The following SPTAN1 variants were observed in gnomAD, a reference collection of about 807,000 sequenced individuals.
SPTAN1 encodes spectrin alpha chain, non-erythrocytic 1.
Under a neutral mutation model 331.3 loss-of-function variants are expected in SPTAN1, and 61 were observed. The observed-to-expected ratio is 0.18, with a 90% confidence interval of 0.15 to 0.23. SPTAN1 has a LOEUF of 0.23. Among genes scored for constraint, SPTAN1 ranks in the 10% least tolerant of loss-of-function variants. SPTAN1 has a pLI of 1.00. For synonymous variants in SPTAN1, 1,153 were observed against 1,173.9 expected (o/e 0.98, Z 0.36); for missense variants, 2,043 against 3,147.9 (o/e 0.65, Z 8.40).
rs551595039 is a variant in SPTAN1, at chr9:128,593,053, TGA to T, written c.3215+15_3215+16del. Reference sequence around the variant, plus strand: ...GCAGGTGGAAGAACTGTGAGTAGGCTGAGAGTCTTGCAGAGCACCAATGTCCA... The same window carrying T: ...GCAGGTGGAAGAACTGTGAGTAGGCTGAGTCTTGCAGAGCACCAATGTCCA... On this transcript the variant is annotated intron_variant, in intron 23 of 56. Transcript: ENST00000372739. 3.9e-4 allele frequency: 623 copies of T among 1,607,102 alleles called. 1 individual carries two copies. Among genetic ancestry groups the T allele is most frequent in the African/African-American group, 2.0e-3 (153 of 74,970 alleles).
chr9:128,600,118 A>T lies in SPTAN1; in HGVS notation c.3579+3A>T, dbSNP rs1171832007. The T allele has an allele frequency of 6.2e-7, 1 of 1,614,174 alleles. No individual in the cohort carries two copies. The highest frequency in any genetic ancestry group is 1.1e-5 in the South Asian group (1 of 91,088). On this transcript the variant is annotated splice_donor_region_variant and intron_variant, in intron 27 of 56. Transcript: ENST00000372739. ...CCAAGACAGCCTCCCCGTGGAAGGTAAGAACTCCTTTGCAAATTATTGTTT... is the reference window on the plus strand; with the variant it reads ...CCAAGACAGCCTCCCCGTGGAAGGTTAGAACTCCTTTGCAAATTATTGTTT...
intron 3 of SPTAN1, among the ~76,000 whole-genome samples, 182 bp downstream of exon 3, chr9:128,569,079 C>T (rs190696993): frequency 4.6e-5 from 7 of 152,176 alleles, no homozygotes; most frequent in Admixed American, 2.0e-4. Context: ...TGAATGCAAG[C>T]GTTTGTATAC....
At chr9:128,568,539 T>C (rs1206417797) in intron 2 of SPTAN1, among the ~76,000 whole-genome samples, 1 of 152,202 alleles carries the variant, frequency 6.6e-6, no homozygotes, top group Non-Finnish European at 1.5e-5. Context: ...TAGTTCTCAA[T>C]GGTGAGTGAG....
chr9:128,623,393 T>C (rs2131895398), intron 45 of SPTAN1, among the ~76,000 whole-genome samples: 1 of 152,074 alleles, frequency 6.6e-6, no homozygotes, highest in East Asian at 1.9e-4. Context: ...AGTGATATGA[T>C]TCAGTTTTTT....
intron 44 of SPTAN1, among the ~76,000 whole-genome samples, chr9:128,620,600 C>T (rs1279060634): frequency 6.6e-6 from 1 of 152,072 alleles, no homozygotes; most frequent in Non-Finnish European, 1.5e-5. Context: ...CACCTGTAAT[C>T]CCAGCTACTT....
At chr9:128,574,570 T>C (rs1046699959) in intron 3 of SPTAN1, 105 bp from the exon 4 acceptor site, 2 of 1,313,006 alleles carry the variant, frequency 1.5e-6, no homozygotes, top group Middle Eastern at 3.7e-4. Context: ...AAAATATTTT[T>C]ATTCAGCGCT....
intron 3 of SPTAN1, among the ~76,000 whole-genome samples, chr9:128,572,629 T>G (rs1289693342): frequency 6.6e-6 from 1 of 152,248 alleles, no homozygotes; most frequent in Non-Finnish European, 1.5e-5. Flanking sequence ...TATGGTGATC[T>G]TGGCTTGGTC....
chr9:128,585,859 A>G lies in SPTAN1; in HGVS notation c.2672A>G (p.Gln891Arg). The change falls in exon 19 of 57, where the codon CAG becomes CGG. Residue 891 changes from glutamine to arginine, a missense_variant. Around this residue, in one of 12 missense-constraint regions of SPTAN1, gnomAD observed 1,038 missense variants for 1,531.5 expected, o/e 0.68. Coordinates refer to ENST00000372739, the MANE Select transcript of SPTAN1 (RefSeq NM_001130438.3). The stretch of plus-strand genomic sequence containing the variant: ...CGGCAGGACCTGGAGGACTCTCTGC[A>G]GGCCCAGCAGTACTTTGCTGATGCT... ...QRRQDLEDSL[Q>R]AQQYFADANE... is the part of the protein sequence containing the mutation. 1 of 1,614,160 alleles carries G rather than the reference A, an allele frequency of 6.2e-7. No homozygotes were observed. The highest frequency in any genetic ancestry group is 8.5e-7 in the Non-Finnish European group (1 of 1,180,016).
At chr9:128,572,438 G>A (rs781757667) in intron 3 of SPTAN1, among the ~76,000 whole-genome samples, 9 of 151,104 alleles carry the variant, frequency 6.0e-5, no homozygotes, top group Non-Finnish European at 1.2e-4. Flanking sequence ...TCAGCAATGG[G>A]ACAATGGTTC....
At chr9:128,633,171 G>C (rs2076326703) in intron 56 of SPTAN1, 38 bp from the exon 57 acceptor site, 1 of 1,613,408 alleles carries the variant, frequency 6.2e-7, no homozygotes, top group Admixed American at 1.7e-5. Context: ...AGTGGGTGCA[G>C]CTGGCTCAGG....
chr9:128,627,632 A>C lies in SPTAN1; in HGVS notation c.6689+134A>C. The C allele has an allele frequency of 1.0e-6, 1 of 966,116 alleles. No homozygotes were observed. The highest frequency in any genetic ancestry group is 1.6e-6 in the Non-Finnish European group (1 of 619,914). 59.8% of individuals were successfully genotyped at this position (966,116 alleles called of 1,614,324 possible). On this transcript the variant is annotated intron_variant, in intron 50 of 56. Transcript: ENST00000372739. This position sits in a 1 kb window ranked among gnomAD's most constrained non-coding sequence, Gnocchi z 4.9. Reference sequence around the variant, plus strand: ...AGCCTGGGAATAAAGCTGGGCTGGCAACGCCTGGTCGGGCTCTGGAGCCGG... The same window carrying C: ...AGCCTGGGAATAAAGCTGGGCTGGCCACGCCTGGTCGGGCTCTGGAGCCGG...
chr9:128,608,332 T>G, intron 34 of SPTAN1, 56 bp downstream of exon 34: 1 of 1,610,054 alleles, frequency 6.2e-7, no homozygotes, highest in Non-Finnish European at 8.5e-7. Flanking sequence ...TGACATCTGT[T>G]TCTTGGCTTA....
intron 1 of SPTAN1, among the ~76,000 whole-genome samples, chr9:128,564,444 CATG>C (rs942714757): frequency 1.3e-4 from 19 of 151,088 alleles, no homozygotes; most frequent in African/African-American, 4.6e-4. Context: ...ATTAGCCAGT[CATG>C]GTGGTGTGCA....
Position 128,592,990 on chromosome 9 carries a change from A to C in SPTAN1, c.3163A>C (p.Ile1055Leu). The C allele has an allele frequency of 6.2e-7, 1 of 1,608,520 alleles. No homozygotes were observed. The highest frequency in any genetic ancestry group is 8.5e-7 in the Non-Finnish European group (1 of 1,177,140). ...TGTGCCCCCTCTGTGCAGGACACGC[A>C]TAACTAAGGAGGCCGGCAGTGTATC... ...RQEQIDNQTRITKEAGSVSLR... is the reference protein window; with the variant it reads ...RQEQIDNQTRLTKEAGSVSLR... Residue 1055 changes from isoleucine to leucine, a missense_variant, in exon 23 of 57, where the codon ATA becomes CTA. Physicochemically the swap from Ile to Leu is conservative, Grantham distance 5. This residue lies in a region of SPTAN1 where 1,038 missense variants were observed against 1,531.5 expected (regional missense o/e 0.68). Coordinates refer to ENST00000372739, the MANE Select transcript of SPTAN1 (RefSeq NM_001130438.3).
At chr9:128,578,274 G>T (rs372260439) in intron 9 of SPTAN1, 29 bp downstream of exon 9, 7 of 1,613,020 alleles carry the variant, frequency 4.3e-6, no homozygotes, top group Non-Finnish European at 1.7e-6. Context: ...TCTTCCAGAA[G>T]TGAAGATTTT....
chr9:128,574,691 T>C lies in SPTAN1; in HGVS notation c.380T>C (p.Leu127Pro). 1 of 1,614,218 alleles carries C rather than the reference T, an allele frequency of 6.2e-7. No homozygotes were observed. Among genetic ancestry groups the C allele is most frequent in the Admixed American group, 1.7e-5 (1 of 60,018 alleles). ...SETIRTRLME[L>P]HRQWELLLEK... ...AACTTTCAGACCCGTTTGATGGAGC[T>C]GCACCGCCAGTGGGAATTACTTTTG... The change falls in exon 4 of 57, where the codon CTG becomes CCG. Residue 127 changes from leucine (L) to proline (P), a missense_variant. Physicochemically the swap from Leu to Pro is moderately conservative, Grantham distance 98. This residue lies in a region of SPTAN1 where 1,038 missense variants were observed against 1,531.5 expected (regional missense o/e 0.68). Transcript: ENST00000372739.
At chr9:128,620,260 G>A (rs896159089) in intron 44 of SPTAN1, among the ~76,000 whole-genome samples, 4 of 152,172 alleles carry the variant, frequency 2.6e-5, no homozygotes, top group East Asian at 1.9e-4. Flanking sequence ...CCCAGGAATC[G>A]AGTTAGCTTT....
chr9:128,612,373 AT>A (rs1271335314), intron 39 of SPTAN1, 127 bp downstream of exon 39: 1 of 1,218,138 alleles, frequency 8.2e-7, no homozygotes, highest in Non-Finnish European at 1.2e-6. Context: ...AGAAACCCTT[AT>A]TATATATGAG....
At chr9:128,585,695 C>A in intron 18 of SPTAN1, 53 bp from the exon 19 acceptor site, 2 of 1,452,770 alleles carry the variant, frequency 1.4e-6, no homozygotes, top group Non-Finnish European at 1.9e-6. Flanking sequence ...TTTTGTCCTT[C>A]TGTGATGTGT....
Sources: gnomAD v4.1 joint callset for allele counts (sites outside exome capture counted in the v4.1 genomes callset) on GRCh38, gnomAD v4.1.1 for gene constraint, gnomAD v4.1.1 regional missense constraint, Gnocchi (gnomAD v3.1) non-coding constraint, MANE v1.5 for transcripts, NCBI Gene and HGNC (gene_info 2026-07-23, HGNC 2026-07-21) for gene names.